The following CTNNA3 variants were observed in gnomAD, a reference collection of about 807,000 sequenced individuals.
CTNNA3 encodes the protein catenin alpha 3, also known as catenin alpha-3.
Under a neutral mutation model 95.7 loss-of-function variants are expected in CTNNA3, and 76 were observed. That is an observed-to-expected ratio of 0.79 (90% CI 0.66 to 0.96). The LOEUF is 0.96. Among genes scored for constraint, CTNNA3 ranks in the 40% least tolerant of loss-of-function variants. CTNNA3 has a pLI of 0.00. For missense variants in CTNNA3, 1,191 were observed against 1,089.8 expected (o/e 1.09, Z -1.31); for synonymous variants, 431 against 374.4 (o/e 1.15, Z -1.74).
At chr10:67,412,203 A>G (rs1845392893) in intron 5 of CTNNA3, among the ~76,000 whole-genome samples, 1 of 152,164 alleles carries the variant, frequency 6.6e-6, no homozygotes, top group South Asian at 2.1e-4. Flanking sequence ...TTATATTACA[A>G]CACTTTTCTG....
intron 11 of CTNNA3, among the ~76,000 whole-genome samples, chr10:66,476,628 T>C (rs1022414143): frequency 2.6e-5 from 4 of 152,114 alleles, no homozygotes; most frequent in African/African-American, 9.6e-5. Flanking sequence ...ATTTTTAATA[T>C]GTATTATTTT....
At chr10:66,438,441 G>C (rs1313518721) in intron 11 of CTNNA3, among the ~76,000 whole-genome samples, 1 of 152,170 alleles carries the variant, frequency 6.6e-6, no homozygotes, top group Non-Finnish European at 1.5e-5. Context: ...CAGAGGCTTT[G>C]CTGCACTTTG....
At chr10:66,541,539 T>C (rs903294974) in intron 10 of CTNNA3, among the ~76,000 whole-genome samples, 1 of 152,140 alleles carries the variant, frequency 6.6e-6, no homozygotes, top group Non-Finnish European at 1.5e-5. Context: ...CCTTTACTAA[T>C]CTATTAAAGG....
rs758644488 is a variant in CTNNA3 at position 66,927,469 on chromosome 10, C to A, written c.1048-151945G>T. On this transcript the variant is annotated intron_variant, in intron 7 of 17. Transcript: ENST00000433211. The surrounding 1 kb of genome is among the most constrained non-coding windows in gnomAD (Gnocchi z 4.7). The stretch of plus-strand genomic sequence containing the variant: ...ATTCCAAGACTGCCGCAACCTGGAA[C>A]TTTTGGACCTGGGATATAACCGGAT... The A allele has an allele frequency of 1.2e-6, 2 of 1,614,102 alleles. No individual in the cohort carries two copies. Among genetic ancestry groups the A allele is most frequent in the Admixed American group, 1.7e-5 (1 of 60,022 alleles).
At position 67,223,060 on chromosome 10, in the gene CTNNA3, T is replaced by C. The variant is rs116603308; in HGVS notation, c.580-3190A>G. 5.2e-3 allele frequency among the ~76,000 whole-genome samples: 785 copies of C among 152,240 alleles called. 7 individuals carry two copies. Among genetic ancestry groups the C allele is most frequent in the African/African-American group, 0.018 (734 of 41,536 alleles). ...CAATTACAGAATCCATGAGCCCAAA[T>C]AGCAAGTCCTTGACGCCTGCGAAAA... On this transcript the variant is annotated intron_variant, in intron 5 of 17. Transcript: ENST00000433211.
At chr10:66,350,655 A>G (rs1365933348) in intron 12 of CTNNA3, among the ~76,000 whole-genome samples, 1 of 151,872 alleles carries the variant, frequency 6.6e-6, no homozygotes, top group Non-Finnish European at 1.5e-5. Context: ...TCAATTGGGA[A>G]AATGCTTATT....
chr10:66,071,986 A>G (rs910353706), intron 14 of CTNNA3, among the ~76,000 whole-genome samples: 7 of 152,198 alleles, frequency 4.6e-5, no homozygotes, highest in Admixed American at 2.6e-4. Context: ...GAATTTTTCT[A>G]TAAAGGACAA....
chr10:66,293,754 C>T (rs2132203368), intron 12 of CTNNA3, among the ~76,000 whole-genome samples: 1 of 151,568 alleles, frequency 6.6e-6, no homozygotes, highest in East Asian at 1.9e-4. Flanking sequence ...CAACCTCCGC[C>T]TCCAGGGTTC....
intron 7 of CTNNA3, among the ~76,000 whole-genome samples, chr10:66,915,192 GAAAAAA>G (rs1158486629): frequency 1.1e-5 from 1 of 90,246 alleles, no homozygotes; most frequent in African/African-American, 3.7e-5. Flanking sequence ...AAAAACTAAC[GAAAAAA>G]AAAAAAAAGC....
intron 12 of CTNNA3, among the ~76,000 whole-genome samples, chr10:66,332,554 G>T (rs1305060313): frequency 6.6e-6 from 1 of 152,014 alleles, no homozygotes; most frequent in Non-Finnish European, 1.5e-5. Flanking sequence ...TGTTGAACCA[G>T]CCTTTCATCC....
chr10:67,602,561 A>T (rs1454839344), intron 3 of CTNNA3, among the ~76,000 whole-genome samples: 1 of 152,216 alleles, frequency 6.6e-6, no homozygotes, highest in Non-Finnish European at 1.5e-5. Flanking sequence ...CACACATTAT[A>T]ATAGAACACA....
At chr10:67,091,866 G>C (rs1857665554) in intron 7 of CTNNA3, among the ~76,000 whole-genome samples, 1 of 152,010 alleles carries the variant, frequency 6.6e-6, no homozygotes, top group African/African-American at 2.4e-5. Context: ...GAACCAGTTT[G>C]TATTCAGAGA....
chr10:67,255,214 G>A (rs555274371), intron 5 of CTNNA3, among the ~76,000 whole-genome samples: 2 of 152,266 alleles, frequency 1.3e-5, no homozygotes, highest in African/African-American at 2.4e-5. Context: ...AGAATCACTT[G>A]AACCAGGGAG....
chr10:66,588,422 G>C (rs1330151752), intron 10 of CTNNA3, among the ~76,000 whole-genome samples: 1 of 151,626 alleles, frequency 6.6e-6, no homozygotes, highest in Non-Finnish European at 1.5e-5. Context: ...TTTCCAAGTG[G>C]GAGAGGCAGG....
At chr10:66,547,226 G>A (rs1842061177) in intron 10 of CTNNA3, among the ~76,000 whole-genome samples, 1 of 151,650 alleles carries the variant, frequency 6.6e-6, no homozygotes, top group Admixed American at 6.6e-5. Flanking sequence ...CACGTCACAC[G>A]ACCACTCATC....
intron 11 of CTNNA3, among the ~76,000 whole-genome samples, chr10:66,518,880 A>C: frequency 6.6e-6 from 1 of 152,050 alleles, no homozygotes. Context: ...AAGTAGTTTA[A>C]AAATATGTAA....
chr10:66,741,400 C>T (rs1007518568), intron 9 of CTNNA3, among the ~76,000 whole-genome samples: 2 of 152,146 alleles, frequency 1.3e-5, no homozygotes, highest in Admixed American at 6.5e-5. Context: ...AAGAAAACGT[C>T]TGATACCAGC....
intron 7 of CTNNA3, chr10:66,928,380 G>A (rs773353960): frequency 1.2e-6 from 2 of 1,614,110 alleles, no homozygotes; most frequent in South Asian, 2.2e-5. Context: ...CCACCAACAC[G>A]GAGACCAGCG....
Position 66,266,229 on chromosome 10 carries a change from A to G in CTNNA3, c.1884+14241T>C, listed in dbSNP as rs1564826517. ...CAAGTGTGATAATCCCCTCCCTTGT[A>G]TATTAGAACACCATGTAACAATGCA... On this transcript the variant is annotated intron_variant, in intron 13 of 17. Transcript: ENST00000433211. 2.6e-5 allele frequency among the ~76,000 whole-genome samples: 4 copies of G among 151,866 alleles called. No individual in the cohort carries two copies. The South Asian group carries it at 8.3e-4, about 31-fold the overall frequency.
Sources: gnomAD v4.1 joint callset for allele counts (sites outside exome capture counted in the v4.1 genomes callset) on GRCh38, gnomAD v4.1.1 for gene constraint, Gnocchi (gnomAD v3.1) non-coding constraint, MANE v1.5 for transcripts, NCBI Gene and HGNC (gene_info 2026-07-23, HGNC 2026-07-21) for gene names.